The following CD55 variants were observed in gnomAD, a reference collection of about 807,000 sequenced individuals.
The protein encoded by CD55 is complement decay-accelerating factor.
A neutral mutation model predicts 45.8 loss-of-function variants in CD55; 41 were observed. The observed-to-expected ratio is 0.90, with a 90% confidence interval of 0.70 to 1.16. CD55 has a LOEUF of 1.16. CD55 is among the 50% of genes most tolerant of loss of function. The pLI, the probability that CD55 is intolerant of heterozygous loss-of-function variation, is 0.00. For synonymous variants in CD55, 181 were observed against 181.1 expected (o/e 1.00, Z 0.01); for missense variants, 416 against 469.8 (o/e 0.89, Z 1.06).
In CD55 at chr1:207,355,042, T is replaced by C. The variant is rs1656023974; in HGVS notation, c.1082-4504T>C. Reference sequence around the variant, plus strand: ...CCAAAATTTTTTAGGAGCTGTGATTTATTTCATGGATAGTCTCTCTAAGTT... The same window carrying C: ...CCAAAATTTTTTAGGAGCTGTGATTCATTTCATGGATAGTCTCTCTAAGTT... On this transcript the variant is annotated intron_variant, in intron 9 of 9. Transcript: ENST00000367064. 2.0e-5 allele frequency among the ~76,000 whole-genome samples: 3 copies of C among 152,342 alleles called. No individual in the cohort carries two copies. The South Asian group carries it at 6.2e-4, about 32-fold the overall frequency.
At chr1:207,350,782 A>G (rs1655838908) in intron 9 of CD55, among the ~76,000 whole-genome samples, 1 of 151,874 alleles carries the variant, frequency 6.6e-6, no homozygotes, top group Non-Finnish European at 1.5e-5. Context: ...AATCTTATTT[A>G]TTCTTTCAAA....
chr1:207,322,589 A>T (rs1319594079), intron 2 of CD55, 22 bp downstream of exon 2: 1 of 1,575,832 alleles, frequency 6.3e-7, no homozygotes, highest in Non-Finnish European at 8.6e-7. Flanking sequence ...ATCTTTTTAG[A>T]AAAGTTCTGG....
intron 3 of CD55, 150 bp from the exon 4 acceptor site, chr1:207,325,472 T>G: frequency 2.1e-6 from 1 of 473,284 alleles, no homozygotes; most frequent in Non-Finnish European, 3.7e-6. Flanking sequence ...TTATCTTAGG[T>G]GTACAACATG....
intron 9 of CD55, among the ~76,000 whole-genome samples, chr1:207,355,080 C>A (rs1204546838): frequency 2.0e-5 from 3 of 152,124 alleles, no homozygotes; most frequent in Non-Finnish European, 4.4e-5. Context: ...TGATACAATT[C>A]TAGGGGATCA....
At chr1:207,324,901 A>G in intron 3 of CD55, 151 bp downstream of exon 3, 1 of 433,776 alleles carries the variant, frequency 2.3e-6, no homozygotes, top group East Asian at 3.4e-5. Context: ...TTTGAATTAG[A>G]CTAAATATTT....
chr1:207,326,261 T>C (rs1654676385), intron 4 of CD55, among the ~76,000 whole-genome samples: 1 of 152,230 alleles, frequency 6.6e-6, no homozygotes, highest in African/African-American at 2.4e-5. Context: ...TTCATATCTG[T>C]AAATTAAATA....
Position 207,359,907 on chromosome 1 carries a change from C to A in CD55, c.*297C>A. The A allele has an allele frequency of 3.7e-6, 1 of 271,698 alleles. No homozygotes were observed. Among genetic ancestry groups the A allele is most frequent in the Non-Finnish European group, 6.8e-6 (1 of 146,982 alleles). 16.8% of individuals were successfully genotyped at this position (271,698 alleles called of 1,614,324 possible). On this transcript the variant is annotated 3_prime_UTR_variant, in exon 10 of 10. Transcript: ENST00000367064. The stretch of plus-strand genomic sequence containing the variant: ...TTTGTTCGTATTTAGAATGGGATCA[C>A]GAGGAAAAGAGAAGGAAAGTGATTT...
At chr1:207,349,186 A>ATT (rs55880818) in intron 9 of CD55, among the ~76,000 whole-genome samples, 2 of 142,110 alleles carry the variant, frequency 1.4e-5, no homozygotes, top group African/African-American at 2.6e-5. Context: ...TTTTGTATTA[A>ATT]TTTTTTTTTT....
At chr1:207,349,992 G>C (rs1655799433) in intron 9 of CD55, 1 of 393,288 alleles carries the variant, frequency 2.5e-6, no homozygotes, top group Admixed American at 3.0e-5. Context: ...GTTGGCTGTG[G>C]GTTTTTCCTG....
chr1:207,339,218 TCTA>T (rs1359453131), intron 8 of CD55, among the ~76,000 whole-genome samples, 176 bp from the exon 9 acceptor site: 1 of 71,034 alleles, frequency 1.4e-5, no homozygotes, highest in Non-Finnish European at 2.8e-5. Flanking sequence ...ATGTTTACAT[TCTA>T]CTTGATTAAG....
At chr1:207,323,090 G>C (rs532654262) in intron 2 of CD55, among the ~76,000 whole-genome samples, 1 of 152,004 alleles carries the variant, frequency 6.6e-6, no homozygotes, top group African/African-American at 2.4e-5. Flanking sequence ...CTTGGTGTTT[G>C]TGTGGAGAAT....
At chr1:207,329,249 CAG>C (rs1251339597) in intron 5 of CD55, among the ~76,000 whole-genome samples, 12 of 152,190 alleles carry the variant, frequency 7.9e-5, no homozygotes, top group South Asian at 2.1e-4. Context: ...ATCCCACCAA[CAG>C]GGGAGAAATG....
chr1:207,334,784 A>G (rs1425273387), intron 6 of CD55, among the ~76,000 whole-genome samples: 2 of 152,146 alleles, frequency 1.3e-5, no homozygotes, highest in Non-Finnish European at 2.9e-5. Context: ...GGAACACAGA[A>G]TAGATGGGAG....
At chr1:207,325,866 C>T in intron 4 of CD55, 145 bp downstream of exon 4, 2 of 430,648 alleles carry the variant, frequency 4.6e-6, no homozygotes, top group South Asian at 5.8e-5. Context: ...TCATCATGAG[C>T]TCATCACAGT....
chr1:207,349,664 T>G (rs1486780192), intron 9 of CD55, among the ~76,000 whole-genome samples: 1 of 152,208 alleles, frequency 6.6e-6, no homozygotes, highest in Non-Finnish European at 1.5e-5. Context: ...ATTGCATTCT[T>G]GATTTGGCTG....
chr1:207,343,677 A>C (rs1211076012), intron 9 of CD55, among the ~76,000 whole-genome samples: 2 of 152,322 alleles, frequency 1.3e-5, no homozygotes, highest in African/African-American at 4.8e-5. Context: ...AGTGTCTGTT[A>C]GGTCCATTTG....
chr1:207,328,756 C>A (rs543544041), intron 5 of CD55, among the ~76,000 whole-genome samples: 2 of 152,318 alleles, frequency 1.3e-5, no homozygotes, highest in South Asian at 4.1e-4. Context: ...TTGTGCTTTA[C>A]CTCCTCAATC....
intron 1 of CD55, chr1:207,322,160 CTG>C: frequency 1.4e-6 from 1 of 691,380 alleles, no homozygotes; most frequent in South Asian, 1.6e-5. Context: ...CTCAAAGAGA[CTG>C]TATCCTTAAC....
chr1:207,345,499 A>G (rs763821299), intron 9 of CD55, among the ~76,000 whole-genome samples: 1 of 152,090 alleles, frequency 6.6e-6, no homozygotes, highest in African/African-American at 2.4e-5. Flanking sequence ...TTTTAAAACA[A>G]ATTTTAAAGT....
Sources: allele counts gnomAD v4.1 joint callset (sites outside exome capture counted in the v4.1 genomes callset), GRCh38; gene constraint gnomAD v4.1.1; transcripts MANE v1.5; gene names NCBI Gene and HGNC (gene_info 2026-07-23, HGNC 2026-07-21).